NGLY1: variants seen among roughly 807,000 people sequenced by gnomAD.
NGLY1 encodes N-glycanase 1, also known as peptide-N(4)-(N-acetyl-beta-glucosaminyl)asparagine amidase.
In NGLY1, 68 loss-of-function variants were observed where a neutral mutation model predicts 84.6. The ratio of observed to expected loss-of-function variants is 0.80; its 90% CI spans 0.66 to 0.98. NGLY1 has a LOEUF of 0.98. Among genes scored for constraint, NGLY1 ranks in the 50% least tolerant of loss-of-function variants. NGLY1 has a pLI of 0.00. For missense variants in NGLY1, 779 were observed against 770.2 expected (o/e 1.01, Z -0.14); for synonymous variants, 280 against 275.2 (o/e 1.02, Z -0.17).
At chr3:25,756,718 AT>A (rs1410506848) in intron 3 of NGLY1, among the ~76,000 whole-genome samples, 1 of 152,288 alleles carries the variant, frequency 6.6e-6, no homozygotes, top group East Asian at 1.9e-4. Flanking sequence ...TTCAGATCAC[AT>A]TTTTAGCTAG....
At chr3:25,789,918 G>T (rs1330112611) in exon 1 of NGLY1, 1 of 1,550,962 alleles carries the variant, frequency 6.4e-7, no homozygotes, top group African/African-American at 1.4e-5. Context: ...TTCCGAGAGG[G>T]GCGTCTCTGC....
intron 3 of NGLY1, among the ~76,000 whole-genome samples, chr3:25,759,878 T>A (rs575404968): frequency 7.5e-4 from 114 of 151,502 alleles, no homozygotes; most frequent in African/African-American, 2.7e-3. Context: ...AATTAATCAA[T>A]GGAAGTTAGA....
intron 2 of NGLY1, among the ~76,000 whole-genome samples, chr3:25,776,939 T>C (rs937847734): frequency 2.6e-5 from 4 of 152,200 alleles, no homozygotes; most frequent in African/African-American, 9.6e-5. Context: ...CAAAAAACCC[T>C]GCCTTCATGG....
intron 4 of NGLY1, 38 bp downstream of exon 4, chr3:25,751,060 T>C: frequency 6.3e-7 from 1 of 1,582,328 alleles, no homozygotes; most frequent in Non-Finnish European, 8.6e-7. Flanking sequence ...TTAGCAATGA[T>C]TTACATTTAG....
At chr3:25,721,657 G>C (rs756747614) in intron 10 of NGLY1, among the ~76,000 whole-genome samples, 1 of 143,808 alleles carries the variant, frequency 7.0e-6, no homozygotes, top group African/African-American at 2.6e-5. Context: ...GCTGAGGCAG[G>C]AGAATGGTGT....
At chr3:25,789,141 C>T (rs1708666009) in intron 1 of NGLY1, among the ~76,000 whole-genome samples, 1 of 152,184 alleles carries the variant, frequency 6.6e-6, no homozygotes, top group South Asian at 2.1e-4. Flanking sequence ...CGACTTCTTG[C>T]TTTTTTACAT....
upstream of NGLY1, chr3:25,783,529 CAGGGGCGGGG>C: frequency 1.6e-6 from 1 of 617,358 alleles, no homozygotes; most frequent in Non-Finnish European, 2.2e-6. The surrounding 1 kb of genome is among the most constrained non-coding windows in gnomAD (Gnocchi z 4.5). Flanking sequence ...CCTCGGCCGG[CAGGGGCGGGG>C]TCCTCGGCCG....
intron 3 of NGLY1, among the ~76,000 whole-genome samples, chr3:25,757,164 G>C (rs1316965760): frequency 2.0e-5 from 3 of 152,114 alleles, no homozygotes; most frequent in African/African-American, 7.2e-5. Context: ...CAGTTTTAAA[G>C]TTTTTTGATA....
chr3:25,763,983 A>G, intron 3 of NGLY1, 83 bp downstream of exon 3: 2 of 1,512,782 alleles, frequency 1.3e-6, no homozygotes, highest in South Asian at 2.5e-5. Flanking sequence ...TAAATTCAGG[A>G]ATAAATCATA....
At chr3:25,731,670 C>T (rs183164679) in intron 9 of NGLY1, among the ~76,000 whole-genome samples, 7 of 152,174 alleles carry the variant, frequency 4.6e-5, no homozygotes, top group Admixed American at 4.6e-4. Flanking sequence ...CCATTTATAT[C>T]AGCCAAAACT....
intron 2 of NGLY1, among the ~76,000 whole-genome samples, chr3:25,769,454 A>G (rs1707785032): frequency 6.6e-6 from 1 of 152,234 alleles, no homozygotes; most frequent in Non-Finnish European, 1.5e-5. Context: ...ATATGAAAAA[A>G]TGCTCAACAT....
chr3:25,735,773 C>A, intron 7 of NGLY1: 1 of 358,800 alleles, frequency 2.8e-6, no homozygotes, highest in Non-Finnish European at 5.0e-6. Context: ...GTGAAAAAAA[C>A]TGGGAACTAC....
chr3:25,784,093 T>A (rs986951114), upstream of NGLY1: 2 of 152,188 alleles, frequency 1.3e-5, no homozygotes, highest in African/African-American at 4.8e-5. Flanking sequence ...TAGATGTGGA[T>A]GAAAGACTAC....
At chr3:25,778,048 C>T (rs887338567) in intron 2 of NGLY1, among the ~76,000 whole-genome samples, 1 of 152,080 alleles carries the variant, frequency 6.6e-6, no homozygotes, top group African/African-American at 2.4e-5. Context: ...TAACTACTTT[C>T]GATGTGTCAT....
chr3:25,749,326 C>T (rs1214291562), intron 4 of NGLY1, among the ~76,000 whole-genome samples: 1 of 152,094 alleles, frequency 6.6e-6, no homozygotes, highest in African/African-American at 2.4e-5. Context: ...TTCACAATAG[C>T]CAAAATATTG....
At chr3:25,762,857 G>A (rs957565912) in intron 3 of NGLY1, among the ~76,000 whole-genome samples, 2 of 152,180 alleles carry the variant, frequency 1.3e-5, no homozygotes, top group Admixed American at 1.3e-4. Context: ...GGGAGGCGCA[G>A]GCTATAGAAT....
chr3:25,789,893 G>T (rs758734505), exon 1 of NGLY1: 2 of 1,551,478 alleles, frequency 1.3e-6, no homozygotes, highest in African/African-American at 2.7e-5. Flanking sequence ...CTCGATTATC[G>T]GCGAGTCACT....
chr3:25,762,036 T>C (rs1707342958), intron 3 of NGLY1, among the ~76,000 whole-genome samples: 1 of 152,218 alleles, frequency 6.6e-6, no homozygotes, highest in South Asian at 2.1e-4. Flanking sequence ...ACTATCATCA[T>C]TTATTGAGTA....
intron 7 of NGLY1, chr3:25,735,695 GA>G: frequency 5.1e-6 from 1 of 196,324 alleles, no homozygotes; most frequent in Non-Finnish European, 1.0e-5. Flanking sequence ...TAAGCAAAGA[GA>G]AAAGGCAGCA....
Sources: gnomAD v4.1 joint callset for allele counts (sites outside exome capture counted in the v4.1 genomes callset) on GRCh38, gnomAD v4.1.1 for gene constraint, Gnocchi (gnomAD v3.1) non-coding constraint, MANE v1.5 for transcripts, NCBI Gene and HGNC (gene_info 2026-07-23, HGNC 2026-07-21) for gene names.